Variants in PPP1R15B observed in about 807,000 individuals in gnomAD.
PPP1R15B encodes protein phosphatase 1, regulatory (inhibitor) subunit 15B.
Under a neutral mutation model 53.9 loss-of-function variants are expected in PPP1R15B, and 31 were observed. The observed-to-expected ratio is 0.58, with a 90% CI of 0.43 to 0.78. PPP1R15B has a LOEUF of 0.78. Ranked by LOEUF, PPP1R15B falls within the 30% of genes least tolerant of loss-of-function variation. PPP1R15B has a pLI of 0.00. For missense variants in PPP1R15B, 928 were observed against 849.6 expected, an observed-to-expected ratio of 1.09 and a Z score of -1.15; for synonymous variants, 345 against 329.1, an observed-to-expected ratio of 1.05 and a Z score of -0.52.
chr1:204,398,994 G>A (rs1186107496), downstream of PPP1R15B, among the ~76,000 whole-genome samples: 1 of 152,206 alleles, frequency 6.6e-6, no homozygotes, highest in Admixed American at 6.5e-5. Flanking sequence ...TTTAGTTAAA[G>A]CTTACGGTAG....
At position 204,409,822 on chromosome 1, in the gene PPP1R15B, A is replaced by C. The variant is rs754536446; in HGVS notation, c.1590T>G (p.Pro530=). The C allele has an allele frequency of 6.2e-7, 1 of 1,614,094 alleles. No homozygotes were observed. Among genetic ancestry groups the C allele is most frequent in the South Asian group, 1.1e-5 (1 of 91,082 alleles). The part of the protein sequence containing the change: ...LENSSQSGSL[P]ETPEHSSGEE... ...CCCCAGAACTATGCTCAGGGGTCTC[A>C]GGAAGGCTTCCAGACTGGGAGGAAT... Residue 530 remains proline, a synonymous_variant, in exon 1 of 2, where the codon CCT becomes CCG. Coordinates refer to ENST00000367188, the MANE Select transcript of PPP1R15B (RefSeq NM_032833.5).
In PPP1R15B at chr1:204,410,129, T is replaced by C. The variant is rs1257748376; in HGVS notation, c.1283A>G (p.Tyr428Cys). ...GTCACTGGATGCACCTCCCAAAATATAATCTATCAGTTTGTTACTACAAGC... is the reference window on the plus strand; with the variant it reads ...GTCACTGGATGCACCTCCCAAAATACAATCTATCAGTTTGTTACTACAAGC... ...RPACSNKLID[Y>C]ILGGASSDLE... Residue 428 changes from tyrosine (Y) to cysteine (C), a missense_variant, in exon 1 of 2, where the codon TAT (tyrosine) becomes TGT (cysteine). Coordinates refer to ENST00000367188, the MANE Select transcript of PPP1R15B (RefSeq NM_032833.5). 4 of 1,614,048 alleles carry C rather than the reference T, an allele frequency of 2.5e-6. No individual in the cohort carries two copies. The highest frequency in any genetic ancestry group is 1.1e-5 in the South Asian group (1 of 91,080).
rs1674244415 is a variant in PPP1R15B, at chr1:204,405,209, A to T, written c.*883T>A. ...ATGTCTCCTATTTTCTTTCTAGGAA[A>T]TTTCTAGGCTTTTAAGTTTAAAAAA... On this transcript the variant is annotated 3_prime_UTR_variant, in exon 2 of 2. Transcript: ENST00000367188. The T allele has an allele frequency of 1.0e-6, 1 of 983,368 alleles. No individual in the cohort carries two copies. Among genetic ancestry groups the T allele is most frequent in the African/African-American group, 1.7e-5 (1 of 57,194 alleles). 60.9% of individuals were successfully genotyped at this position (983,368 alleles called of 1,614,324 possible).
rs145570007 is a variant in PPP1R15B at position 204,410,957 on chromosome 1, G to A, written c.455C>T (p.Ser152Leu). The A allele has an allele frequency of 3.3e-4, 537 of 1,614,036 alleles. No homozygotes were observed. Among genetic ancestry groups the A allele is most frequent in the Non-Finnish European group, 4.2e-4 (493 of 1,180,022 alleles). Residue 152 changes from serine (S) to leucine (L), a missense_variant, in exon 1 of 2, where the codon TCG becomes TTG. Coordinates refer to ENST00000367188, the MANE Select transcript of PPP1R15B (RefSeq NM_032833.5). ...WLEEGIHWQY[S>L]PPDLKLELKA... Reference sequence around the variant, plus strand: ...AAGCTCCAATTTTAGGTCTGGGGGCGAGTATTGCCAGTGGATCCCCTCCTC... The same window carrying A: ...AAGCTCCAATTTTAGGTCTGGGGGCAAGTATTGCCAGTGGATCCCCTCCTC...
chr1:204,396,951 T>C (rs980277359), downstream of PPP1R15B, among the ~76,000 whole-genome samples: 32 of 152,138 alleles, frequency 2.1e-4, no homozygotes, highest in African/African-American at 7.5e-4. Flanking sequence ...CTCAACACTT[T>C]GGGAGGCAGG....
downstream of PPP1R15B, among the ~76,000 whole-genome samples, chr1:204,396,748 CTTA>C (rs1336771982): frequency 2.0e-5 from 3 of 152,068 alleles, no homozygotes; most frequent in Non-Finnish European, 4.4e-5. Flanking sequence ...ATGAGTGAAA[CTTA>C]TTGTAAATTA....
At chr1:204,401,723 TCAGCCTGGACAA>T (rs987983734), downstream of PPP1R15B, among the ~76,000 whole-genome samples, 6 of 152,230 alleles carry the variant, frequency 3.9e-5, no homozygotes, top group African/African-American at 1.4e-4. Context: ...TTCTGAGGTC[TCAGCCTGGACAA>T]CATGGCAAAA....
In PPP1R15B at chr1:204,410,980, CT is replaced by C; in HGVS notation, c.431del (p.Glu144GlyfsTer13). 6.2e-7 allele frequency: 1 copy of C among 1,614,178 alleles called. No individual in the cohort carries two copies. Among genetic ancestry groups the C allele is most frequent in the Non-Finnish European group, 8.5e-7 (1 of 1,180,012 alleles). On this transcript the variant is annotated frameshift_variant, in exon 1 of 2. Transcript: ENST00000367188. LOFTEE classifies it high-confidence loss of function. ...PSVTSPLDWL[E>X]EGIHWQYSPP... ...GCGAGTATTGCCAGTGGATCCCCTC[CT>C]CTAGCCAATCAAGGGGACTGGTGAC...
downstream of PPP1R15B, among the ~76,000 whole-genome samples, chr1:204,402,844 C>T (rs1451178969): frequency 2.0e-5 from 3 of 151,876 alleles, no homozygotes; most frequent in Admixed American, 6.6e-5. Flanking sequence ...GAGGCCGAGG[C>T]AGGAGGGTCA....
rs1489757767 is a variant in PPP1R15B at position 204,405,335 on chromosome 1, C to T, written c.*757G>A. 1.5e-5 allele frequency: 15 copies of T among 981,612 alleles called. No individual in the cohort carries two copies. Among genetic ancestry groups the T allele is most frequent in the Middle Eastern group, 5.2e-4 (1 of 1,908 alleles). The allele number at this position is 981,612 out of a possible 1,614,324, so 60.8% of individuals were successfully genotyped here. ...TATATTAAACTGGGAACTACAATAACGTACACAGAACCCTCTTCAAAGAAA... is the reference window on the plus strand; with the variant it reads ...TATATTAAACTGGGAACTACAATAATGTACACAGAACCCTCTTCAAAGAAA... On this transcript the variant is annotated 3_prime_UTR_variant, in exon 2 of 2. Coordinates refer to ENST00000367188, the MANE Select transcript of PPP1R15B (RefSeq NM_032833.5).
Position 204,411,414 on chromosome 1 carries a change from C to CCTTTTT in PPP1R15B, c.-9_-4dup. The CCTTTTT allele has an allele frequency of 6.2e-7, 1 of 1,610,324 alleles. No individual in the cohort carries two copies. Among genetic ancestry groups the CCTTTTT allele is most frequent in the Non-Finnish European group, 8.5e-7 (1 of 1,179,298 alleles). On this transcript the variant is annotated 5_prime_UTR_variant, in exon 1 of 2. Transcript: ENST00000367188. ...GATCCGCCTGTCCCCGGCTCCATCT[C>CCTTTTT]CTTTTTCTTGACAGTCTCTCAGGTA... is the stretch of plus-strand genomic sequence containing the variant.
In PPP1R15B at chr1:204,409,958, T is replaced by C; in HGVS notation, c.1454A>G (p.Asp485Gly). The change falls in exon 1 of 2, where the codon GAT (aspartate) becomes GGT (glycine). Residue 485 changes from aspartate (D) to glycine (G), a missense_variant. Coordinates refer to ENST00000367188, the MANE Select transcript of PPP1R15B (RefSeq NM_032833.5). ...LHLWNSFCSVDPYNPQNFTAT... is the reference protein window; with the variant it reads ...LHLWNSFCSVGPYNPQNFTAT... ...TGTAAAGTTCTGGGGATTATAAGGA[T>C]CTACACTGCAGAAAGAGTTCCAAAG... 6.2e-7 allele frequency: 1 copy of C among 1,614,122 alleles called. No homozygotes were observed. The highest frequency in any genetic ancestry group is 8.5e-7 in the Non-Finnish European group (1 of 1,180,026).
At position 204,410,152 on chromosome 1, in the gene PPP1R15B, A is replaced by G; in HGVS notation, c.1260T>C (p.Ala420=). The part of the protein sequence containing the change: ...EGDLPISARP[A]CSNKLIDYIL... ...TATAATCTATCAGTTTGTTACTACA[A>G]GCTGGTCTGGCAGAAATGGGAAGGT... The change falls in exon 1 of 2, where the codon GCT becomes GCC. Residue 420 remains alanine, a synonymous_variant. Coordinates refer to ENST00000367188, the MANE Select transcript of PPP1R15B (RefSeq NM_032833.5). 6.2e-7 allele frequency: 1 copy of G among 1,614,030 alleles called. No individual in the cohort carries two copies. The highest frequency in any genetic ancestry group is 1.6e-4 in the Middle Eastern group (1 of 6,062).
chr1:204,397,934 T>C (rs1486784616), downstream of PPP1R15B, among the ~76,000 whole-genome samples: 1 of 151,708 alleles, frequency 6.6e-6, no homozygotes, highest in African/African-American at 2.4e-5. Context: ...TACAAAATAA[T>C]GTAAACATTG....
rs1158195099 is a variant in PPP1R15B at position 204,404,346 on chromosome 1, G to A, written c.*1746C>T. ...AAAAGACACAAAAAATTAGCCGGGC[G>A]TGGTGGTGTGTGCCTGTAATCCCAG... On this transcript the variant is annotated 3_prime_UTR_variant, in exon 2 of 2. Coordinates refer to ENST00000367188, the MANE Select transcript of PPP1R15B (RefSeq NM_032833.5). 12 of 512,018 alleles carry A rather than the reference G, an allele frequency of 2.3e-5. No homozygotes were observed. In the South Asian group the frequency reaches 2.5e-4, roughly 11 times the overall value. 31.7% of individuals were successfully genotyped at this position (512,018 alleles called of 1,614,324 possible).
Position 204,403,804 on chromosome 1 carries a change from T to C in PPP1R15B, c.*2288A>G. 1.0e-6 allele frequency: 1 copy of C among 985,910 alleles called. No individual in the cohort carries two copies. Among genetic ancestry groups the C allele is most frequent in the Non-Finnish European group, 1.2e-6 (1 of 829,938 alleles). 61.1% of individuals were successfully genotyped at this position (985,910 alleles called of 1,614,324 possible). On this transcript the variant is annotated 3_prime_UTR_variant, in exon 2 of 2. Transcript: ENST00000367188. ...ATGAAACAAGAATTTTGCTTTTTTCTCCTTCAGTCCAACTTTAAAATAGTC... is the reference window on the plus strand; with the variant it reads ...ATGAAACAAGAATTTTGCTTTTTTCCCCTTCAGTCCAACTTTAAAATAGTC...
chr1:204,405,388 T>C lies in PPP1R15B; in HGVS notation c.*704A>G, dbSNP rs371981428. The C allele has an allele frequency of 5.1e-6, 5 of 985,260 alleles. 1 individual carries two copies. In the African/African-American group the frequency reaches 8.7e-5, roughly 17 times the overall value. 61.0% of individuals were successfully genotyped at this position (985,260 alleles called of 1,614,324 possible). A position where few individuals can be genotyped will look rare whatever the true frequency, so the allele number is the denominator to read the frequency against. On this transcript the variant is annotated 3_prime_UTR_variant, in exon 2 of 2. Transcript: ENST00000367188. Reference sequence around the variant, plus strand: ...AAATATATTAGATGTTAAAATGTGGTAGAAAGATGCAGCTTTCCCAAAGTA... The same window carrying C: ...AAATATATTAGATGTTAAAATGTGGCAGAAAGATGCAGCTTTCCCAAAGTA...
downstream of PPP1R15B, among the ~76,000 whole-genome samples, chr1:204,396,383 CAAAAAAA>C (rs56077006): frequency 5.1e-5 from 7 of 136,370 alleles, no homozygotes; most frequent in East Asian, 2.2e-4. Flanking sequence ...AAAACAAAAA[CAAAAAAA>C]AAAAAACAAA....
chr1:204,398,387 G>A (rs568197762), downstream of PPP1R15B, among the ~76,000 whole-genome samples: 21 of 152,216 alleles, frequency 1.4e-4, no homozygotes, highest in Non-Finnish European at 2.8e-4. Flanking sequence ...AGGCTGAGGT[G>A]GGAGGATTGT....
Sources: gnomAD v4.1 joint callset for allele counts (sites outside exome capture counted in the v4.1 genomes callset) on GRCh38, gnomAD v4.1.1 for gene constraint, MANE v1.5 for transcripts, NCBI Gene and HGNC (gene_info 2026-07-23, HGNC 2026-07-21) for gene names.